The following ANKRD26 variants were observed in gnomAD, a reference collection of about 807,000 sequenced individuals.
ANKRD26 encodes the protein ankyrin repeat domain-containing protein 26.
A neutral mutation model predicts 208.7 loss-of-function variants in ANKRD26; 141 were observed. The observed-to-expected ratio is 0.68, with a 90% CI of 0.59 to 0.78. The LOEUF is 0.78. Among genes scored for constraint, ANKRD26 ranks in the 30% least tolerant of loss-of-function variants. The pLI is 0.00. For missense variants in ANKRD26, 1,889 were observed against 1,938.7 expected, an observed-to-expected ratio of 0.97 and a Z score of 0.48; for synonymous variants, 636 against 660.4, an observed-to-expected ratio of 0.96 and a Z score of 0.57.
chr10:26,955,321 G>A, the ANKRD26 span, among the ~76,000 whole-genome samples: 1 of 151,818 alleles, frequency 6.6e-6, no homozygotes, highest in African/African-American at 2.4e-5. Context: ...CCAGCTACTT[G>A]GGAGGCTGAG....
At chr10:26,980,721 T>G (rs921474906) in exon 5 of ANKRD26, among the ~76,000 whole-genome samples, 1 of 152,204 alleles carries the variant, frequency 6.6e-6, no homozygotes, top group Non-Finnish European at 1.5e-5. Flanking sequence ...ACCACCCTGT[T>G]GCCTTCTGTT....
Position 27,035,174 on chromosome 10 carries a change from CA to C in ANKRD26, c.3275del (p.Leu1092TrpfsTer3), listed in dbSNP as rs1168968039. On this transcript the variant is annotated frameshift_variant, in exon 24 of 34. Transcript: ENST00000376087. LOFTEE classifies it high-confidence loss of function. ...HTRDALREKTLGLERVQKDLS... is the reference protein window; with the variant it reads ...HTRDALREKTXGLERVQKDLS... ...GGTCCTTTTGTACCCGTTCTAAACC[CA>C]AAGTCTTTTCTCTGAGGGCATCTCT... 8.7e-6 allele frequency: 14 copies of C among 1,613,980 alleles called. No homozygotes were observed. Among genetic ancestry groups the C allele is most frequent in the Non-Finnish European group, 1.2e-5 (14 of 1,179,930 alleles).
intron 17 of ANKRD26, 111 bp from the exon 18 acceptor site, chr10:27,046,634 A>G: frequency 9.7e-7 from 1 of 1,030,838 alleles, no homozygotes; most frequent in South Asian, 1.5e-5. Context: ...TTAAAAAGCC[A>G]ATGTTTTCTA....
At position 27,097,531 on chromosome 10, in the gene ANKRD26, A is replaced by G. The variant is rs199800643; in HGVS notation, c.242+2554T>C. On this transcript the variant is annotated intron_variant, in intron 1 of 33. Transcript: ENST00000376087. ...CAGGTATTCAGGTTATGATTGATGA[A>G]TAAATGGATTGAAAGAATGGAAAAA... is the stretch of plus-strand genomic sequence containing the variant. 1.6e-4 allele frequency among the ~76,000 whole-genome samples: 25 copies of G among 152,324 alleles called. No homozygotes were observed. The East Asian group carries it at 4.8e-3, about 29-fold the overall frequency.
intron 6 of ANKRD26, among the ~76,000 whole-genome samples, chr10:27,079,815 T>C (rs187937683): frequency 6.6e-6 from 1 of 151,592 alleles, no homozygotes; most frequent in Admixed American, 6.6e-5. Flanking sequence ...ATCATGCCAC[T>C]GCACTCCAGC....
At chr10:26,975,571 G>A (rs1313699507) in exon 6 of ANKRD26, among the ~76,000 whole-genome samples, 1 of 151,938 alleles carries the variant, frequency 6.6e-6, no homozygotes, top group Non-Finnish European at 1.5e-5. Context: ...GCCTGGCATC[G>A]TGGCTCACAC....
intron 12 of ANKRD26, among the ~76,000 whole-genome samples, chr10:27,063,299 A>G (rs1052257842): frequency 6.6e-6 from 1 of 151,792 alleles, no homozygotes; most frequent in African/African-American, 2.4e-5. Flanking sequence ...TCCATTTTCT[A>G]AAGAATTATT....
At chr10:26,958,400 A>G in the ANKRD26 span, among the ~76,000 whole-genome samples, 360 of 152,156 alleles carry the variant, frequency 2.4e-3, 1 homozygote, top group African/African-American at 8.0e-3. Flanking sequence ...TCACCCAGTT[A>G]TTAAGCCCAA....
At chr10:27,017,880 A>C (rs1345822312) in intron 29 of ANKRD26, 88 bp from the exon 30 acceptor site, 2 of 1,259,360 alleles carry the variant, frequency 1.6e-6, no homozygotes, top group African/African-American at 1.5e-5. Context: ...TTTGAAATAA[A>C]TTCAGTTGCA....
rs998237587 is a variant in ANKRD26, at chr10:27,067,204, T to C, written c.1160A>G (p.Asn387Ser). The change falls in exon 10 of 34, where the codon AAT becomes AGT. Residue 387 changes from asparagine (N) to serine (S), a missense_variant. Asn to Ser is a conservative substitution (Grantham distance 46, BLOSUM62 1). This residue lies in a region of ANKRD26 where 1,272 missense variants were observed against 1,273.8 expected (regional missense o/e 1.00). Transcript: ENST00000376087. The stretch of plus-strand genomic sequence containing the variant: ...TTCATCAACATAAGTCAAATTGTCA[T>C]TATTTGTTTGCTCTAGTGGAGCACT... ...IESAPLEQTN[N>S]DNLTYVDEVH... 4.3e-6 allele frequency: 7 copies of C among 1,613,894 alleles called. No individual in the cohort carries two copies. The highest frequency in any genetic ancestry group is 1.7e-4 in the Middle Eastern group (1 of 6,058).
rs886046948 is a variant in ANKRD26, at chr10:27,100,277, G to A, written c.50C>T (p.Ala17Val). 3 of 1,610,026 alleles carry A rather than the reference G, an allele frequency of 1.9e-6. No homozygotes were observed. The highest frequency in any genetic ancestry group is 1.3e-5 in the African/African-American group (1 of 75,018). Residue 17 changes from alanine to valine, a missense_variant, in exon 1 of 34, where the codon GCG becomes GTG. This residue lies in a region of ANKRD26 where 1,272 missense variants were observed against 1,273.8 expected (regional missense o/e 1.00). Coordinates refer to ENST00000376087, the MANE Select transcript of ANKRD26 (RefSeq NM_014915.3). The stretch of plus-strand genomic sequence containing the variant: ...TCCCGCGCTGCTCCTCTGCCGCCGC[G>A]CGAAGGAGCCCAAGGGCGACTCGCC... ...KKGESPLGSF[A>V]RRQRSSAGGG... is the part of the protein sequence containing the mutation.
rs564396673 is a variant in ANKRD26, at chr10:27,070,052, C to T, written c.1078-2766G>A. Among the ~76,000 whole-genome samples the T allele has an allele frequency of 2.5e-4, 37 of 150,022 alleles. No homozygotes were observed. In the South Asian group the frequency reaches 5.3e-3, roughly 22 times the overall value. ...CCCAGAAGATTTAAGCTTCAGTGAG[C>T]CTTGATCATGCCACTGCACTCCAGC... On this transcript the variant is annotated intron_variant, in intron 9 of 33. Transcript: ENST00000376087.
At chr10:27,089,650 G>A (rs1003617826) in intron 4 of ANKRD26, among the ~76,000 whole-genome samples, 5 of 152,136 alleles carry the variant, frequency 3.3e-5, no homozygotes, top group Admixed American at 6.5e-5. Flanking sequence ...AAATTAGCCG[G>A]GCATGGTGGT....
At chr10:27,082,669 A>G in intron 6 of ANKRD26, 134 bp downstream of exon 6, 1 of 1,310,086 alleles carries the variant, frequency 7.6e-7, no homozygotes, top group Non-Finnish European at 1.0e-6. Context: ...AATATAGCAC[A>G]GATACTTTGC....
At chr10:27,021,735 C>T (rs1485173414) in intron 29 of ANKRD26, among the ~76,000 whole-genome samples, 2 of 152,092 alleles carry the variant, frequency 1.3e-5, no homozygotes, top group Non-Finnish European at 2.9e-5. Context: ...TAATAATAGC[C>T]ATTCTGGCTA....
chr10:27,021,602 C>G (rs1191344742), intron 29 of ANKRD26, among the ~76,000 whole-genome samples: 1 of 152,146 alleles, frequency 6.6e-6, no homozygotes, highest in Non-Finnish European at 1.5e-5. Flanking sequence ...TGAGAAATGT[C>G]TGTTTCAGAT....
chr10:26,996,945 C>T (rs978968935), intron 4 of ANKRD26, among the ~76,000 whole-genome samples: 2 of 152,086 alleles, frequency 1.3e-5, no homozygotes, highest in Non-Finnish European at 2.9e-5. Context: ...TTTAACATTA[C>T]TAGTACTAAA....
the ANKRD26 span, among the ~76,000 whole-genome samples, chr10:26,948,731 T>C: frequency 2.0e-5 from 3 of 152,252 alleles, no homozygotes; most frequent in African/African-American, 7.2e-5. Flanking sequence ...CTCACGCCTG[T>C]AATCCCAGCA....
chr10:27,098,721 T>C (rs920162589), intron 1 of ANKRD26, among the ~76,000 whole-genome samples: 2 of 151,342 alleles, frequency 1.3e-5, no homozygotes, highest in African/African-American at 4.9e-5. Context: ...GCTGATTTTT[T>C]TGTATTTTTA....
Sources: gnomAD v4.1 joint callset for allele counts (sites outside exome capture counted in the v4.1 genomes callset) on GRCh38, gnomAD v4.1.1 for gene constraint, gnomAD v4.1.1 regional missense constraint, MANE v1.5 for transcripts, NCBI Gene and HGNC (gene_info 2026-07-23, HGNC 2026-07-21) for gene names.